Variants in SETBP1 observed in about 807,000 individuals in gnomAD.
SETBP1 encodes SET binding protein 1.
A neutral mutation model predicts 101.0 loss-of-function variants in SETBP1; 9 were observed. The ratio of observed to expected loss-of-function variants is 0.09; its 90% confidence interval spans 0.05 to 0.16. SETBP1 has a LOEUF of 0.16. SETBP1 is among the 10% of genes least tolerant of loss of function. SETBP1 has a pLI of 1.00. For missense variants in SETBP1, 1,858 were observed against 2,033.8 expected, an observed-to-expected ratio of 0.91 and a Z score of 1.66; for synonymous variants, 818 against 788.5, an observed-to-expected ratio of 1.04 and a Z score of -0.63.
At chr18:44,836,566 GA>G (rs1421463351) in intron 2 of SETBP1, among the ~76,000 whole-genome samples, 1 of 152,220 alleles carries the variant, frequency 6.6e-6, no homozygotes, top group Non-Finnish European at 1.5e-5. Context: ...TAGTCTAGAA[GA>G]ATGCTCTGAA....
intron 4 of SETBP1, among the ~76,000 whole-genome samples, chr18:44,956,569 G>A (rs549516537): frequency 1.3e-5 from 2 of 152,186 alleles, no homozygotes; most frequent in South Asian, 2.1e-4. Context: ...CATTTCCTTA[G>A]CATCCAAATG....
chr18:44,978,129 A>T (rs2072031445), intron 4 of SETBP1, among the ~76,000 whole-genome samples: 1 of 152,148 alleles, frequency 6.6e-6, no homozygotes, highest in African/African-American at 2.4e-5. Context: ...CAAGGAAAAA[A>T]CATAGCTCCA....
chr18:44,796,560 G>T (rs2071480033), intron 2 of SETBP1, among the ~76,000 whole-genome samples: 1 of 152,222 alleles, frequency 6.6e-6, no homozygotes, highest in Non-Finnish European at 1.5e-5. Context: ...ACTGCAGCAT[G>T]AGTTGAGAAT....
chr18:45,016,172 C>T (rs1207746916), intron 4 of SETBP1, among the ~76,000 whole-genome samples: 4 of 152,154 alleles, frequency 2.6e-5, no homozygotes, highest in Admixed American at 6.5e-5. Context: ...TTCATATGAA[C>T]GGGGCTGGTG....
At chr18:44,813,501 A>G (rs978268689) in intron 2 of SETBP1, among the ~76,000 whole-genome samples, 2 of 152,166 alleles carry the variant, frequency 1.3e-5, no homozygotes, top group Admixed American at 6.5e-5. Flanking sequence ...AGCTGAGTGC[A>G]TGCTAGACTG....
intron 1 of SETBP1, among the ~76,000 whole-genome samples, chr18:44,683,504 T>A (rs1229754071): frequency 6.6e-6 from 1 of 152,210 alleles, no homozygotes; most frequent in Admixed American, 6.5e-5. Flanking sequence ...AACTTTGAAT[T>A]CCTCTAGGGG....
chr18:45,067,383 A>G lies in SETBP1; in HGVS notation c.*3685A>G, dbSNP rs1223197812. The G allele has an allele frequency of 6.6e-6, 1 of 152,198 alleles. No individual in the cohort carries two copies. Among genetic ancestry groups the G allele is most frequent in the Non-Finnish European group, 1.5e-5 (1 of 68,038 alleles). 9.4% of individuals were successfully genotyped at this position (152,198 alleles called of 1,614,324 possible). Reference sequence around the variant, plus strand: ...TGGAGAATATCTTTTTCCTATCACTAGAAAGATTTACCTGGGAACTGTCTA... The same window carrying G: ...TGGAGAATATCTTTTTCCTATCACTGGAAAGATTTACCTGGGAACTGTCTA... On this transcript the variant is annotated 3_prime_UTR_variant, in exon 6 of 6. Transcript: ENST00000649279.
At chr18:44,929,958 A>G (rs1346779331) in intron 3 of SETBP1, among the ~76,000 whole-genome samples, 2 of 152,230 alleles carry the variant, frequency 1.3e-5, no homozygotes, top group Non-Finnish European at 2.9e-5. Context: ...CCTGGCCAGA[A>G]CTTCCAACAC....
intron 2 of SETBP1, among the ~76,000 whole-genome samples, chr18:44,809,359 A>C (rs769886399): frequency 6.6e-6 from 1 of 152,238 alleles, no homozygotes; most frequent in African/African-American, 2.4e-5. Context: ...ATGAAGAAAA[A>C]AAGAAATTCA....
chr18:44,974,043 T>A (rs1555638454), intron 4 of SETBP1, among the ~76,000 whole-genome samples: 1 of 152,214 alleles, frequency 6.6e-6, no homozygotes, highest in Non-Finnish European at 1.5e-5. Context: ...GGAAAATTTT[T>A]AAAAATGAAG....
intron 3 of SETBP1, among the ~76,000 whole-genome samples, chr18:44,919,869 CTCTG>C (rs2070539255): frequency 6.6e-6 from 1 of 151,932 alleles, no homozygotes; most frequent in African/African-American, 2.4e-5. Flanking sequence ...TCAGATATAT[CTCTG>C]TCTGTGTAAA....
intron 3 of SETBP1, among the ~76,000 whole-genome samples, chr18:44,937,566 T>A (rs1198832623): frequency 6.6e-6 from 1 of 151,860 alleles, no homozygotes; most frequent in African/African-American, 2.4e-5. Context: ...GAGCTGAGAT[T>A]CCACCCCAGG....
At chr18:44,747,773 T>C (rs2070291194) in intron 2 of SETBP1, among the ~76,000 whole-genome samples, 1 of 152,278 alleles carries the variant, frequency 6.6e-6, no homozygotes, top group Non-Finnish European at 1.5e-5. Flanking sequence ...TAATCTGATG[T>C]CTTTGCAGTA....
intron 3 of SETBP1, among the ~76,000 whole-genome samples, chr18:44,883,392 A>C (rs1420196803): frequency 6.6e-6 from 1 of 152,202 alleles, no homozygotes; most frequent in Non-Finnish European, 1.5e-5. Context: ...ATCTTTCTCC[A>C]CAATGTCTTT....
intron 2 of SETBP1, among the ~76,000 whole-genome samples, chr18:44,844,374 A>G (rs2072683962): frequency 7.5e-6 from 1 of 132,848 alleles, no homozygotes; most frequent in Non-Finnish European, 1.6e-5. Flanking sequence ...CACACACACT[A>G]TTAAAACCCT....
chr18:44,688,744 C>T (rs1271922431), intron 1 of SETBP1, among the ~76,000 whole-genome samples: 5 of 152,080 alleles, frequency 3.3e-5, no homozygotes, highest in Non-Finnish European at 4.4e-5. Context: ...TGAGCCACCG[C>T]GCCTGGCCAA....
chr18:44,844,166 G>A (rs749160510), intron 2 of SETBP1, among the ~76,000 whole-genome samples: 1 of 152,090 alleles, frequency 6.6e-6, no homozygotes, highest in Non-Finnish European at 1.5e-5. Flanking sequence ...GCTTTTTGAT[G>A]TGCTGCAAAA....
intron 2 of SETBP1, among the ~76,000 whole-genome samples, chr18:44,779,251 A>G (rs2071073852): frequency 6.6e-6 from 1 of 152,092 alleles, no homozygotes; most frequent in Non-Finnish European, 1.5e-5. Context: ...TTCTTCTCAT[A>G]TACACTGCAT....
chr18:45,015,631 G>A (rs1186201526), intron 4 of SETBP1, among the ~76,000 whole-genome samples: 1 of 152,232 alleles, frequency 6.6e-6, no homozygotes, highest in Non-Finnish European at 1.5e-5. Flanking sequence ...GTGTTTGTGA[G>A]AAGTAAGAGA....
Sources: gnomAD v4.1 joint callset for allele counts (sites outside exome capture counted in the v4.1 genomes callset) on GRCh38, gnomAD v4.1.1 for gene constraint, MANE v1.5 for transcripts, NCBI Gene and HGNC (gene_info 2026-07-23, HGNC 2026-07-21) for gene names.